Variants in SLC6A20 observed in about 807,000 individuals in gnomAD.
SLC6A20 encodes the protein solute carrier family 6 member 20, also known as sodium- and chloride-dependent transporter XTRP3.
In SLC6A20, 73 loss-of-function variants were observed where a neutral mutation model predicts 64.3. The observed-to-expected ratio is 1.14, with a 90% CI of 0.94 to 1.38. The LOEUF (loss-of-function observed/expected upper bound fraction) is 1.38. Among genes scored for constraint, SLC6A20 ranks in the 40% most tolerant of loss-of-function variants. SLC6A20 has a pLI of 0.00. For missense variants in SLC6A20, 725 were observed against 772.8 expected, an observed-to-expected ratio of 0.94 and a Z score of 0.73; for synonymous variants, 347 against 329.6, an observed-to-expected ratio of 1.05 and a Z score of -0.57.
At position 45,763,072 on chromosome 3, in the gene SLC6A20, C is replaced by T. The variant is rs543809395; in HGVS notation, c.1304G>A (p.Gly435Asp). Reference sequence around the variant, plus strand: ...GGCACAGTTGACAAGGCACACCAGACCTGGGGGCCACAAGACCAGCTGCTC... The same window carrying T: ...GGCACAGTTGACAAGGCACACCAGATCTGGGGGCCACAAGACCAGCTGCTC... Reference protein sequence around the residue: ...SSHLPKEAISGLVCLVNCAIG... With the variant: ...SSHLPKEAISDLVCLVNCAIG... Residue 435 changes from glycine to aspartate, a missense_variant and splice_region_variant, in exon 9 of 11, where the codon GGT becomes GAT. By Grantham distance (94) the Gly-to-Asp change is moderately conservative (BLOSUM62 -1). Coordinates refer to ENST00000358525, the MANE Select transcript of SLC6A20 (RefSeq NM_020208.4). 1 of 1,613,974 alleles carries T rather than the reference C, an allele frequency of 6.2e-7. No homozygotes were observed. Among genetic ancestry groups the T allele is most frequent in the Non-Finnish European group, 8.5e-7 (1 of 1,179,986 alleles).
intron 1 of SLC6A20, 44 bp downstream of exon 1, chr3:45,796,255 C>T: frequency 6.4e-7 from 1 of 1,563,852 alleles, no homozygotes; most frequent in Non-Finnish European, 8.7e-7. Flanking sequence ...ACGGCGGGGA[C>T]GCGCACAGAG....
intron 4 of SLC6A20, among the ~76,000 whole-genome samples, chr3:45,775,543 G>T (rs1699950337): frequency 6.6e-6 from 1 of 151,970 alleles, no homozygotes; most frequent in Non-Finnish European, 1.5e-5. Context: ...GAGATTTAGG[G>T]TTGCAACTTT....
chr3:45,758,821 A>T lies in SLC6A20; in HGVS notation c.*157T>A, dbSNP rs1202970934. On this transcript the variant is annotated 3_prime_UTR_variant, in exon 11 of 11. Coordinates refer to ENST00000358525, the MANE Select transcript of SLC6A20 (RefSeq NM_020208.4). Reference sequence around the variant, plus strand: ...CCACGGGAGGGTGTGCGTTCTCCCAAGGGAGTTTTCTTCCTGCACACCTTC... The same window carrying T: ...CCACGGGAGGGTGTGCGTTCTCCCATGGGAGTTTTCTTCCTGCACACCTTC... 2 of 1,367,322 alleles carry T rather than the reference A, an allele frequency of 1.5e-6. No individual in the cohort carries two copies. The highest frequency in any genetic ancestry group is 5.7e-5 in the East Asian group (2 of 35,344). The allele number at this position is 1,367,322 out of a possible 1,614,324, so 84.7% of individuals were successfully genotyped here.
At chr3:45,763,175 G>T in intron 8 of SLC6A20, 103 bp from the exon 9 acceptor site, 1 of 1,522,552 alleles carries the variant, frequency 6.6e-7, no homozygotes. Context: ...GGGAATTTTG[G>T]CTGATTGCTT....
intron 1 of SLC6A20, among the ~76,000 whole-genome samples, chr3:45,782,757 G>C (rs150813554): frequency 3.3e-5 from 5 of 152,176 alleles, no homozygotes; most frequent in African/African-American, 1.2e-4. Context: ...TCAGCCACCT[G>C]TCTGTTCGTC....
At chr3:45,782,019 C>T in intron 2 of SLC6A20, 64 bp downstream of exon 2, 7 of 1,489,488 alleles carry the variant, frequency 4.7e-6, no homozygotes, top group Non-Finnish European at 6.3e-6. Context: ...CTGATGGGAT[C>T]CCACCCACAC....
intron 3 of SLC6A20, among the ~76,000 whole-genome samples, chr3:45,777,151 T>A (rs1575431570): frequency 6.6e-6 from 1 of 152,128 alleles, no homozygotes; most frequent in Admixed American, 6.5e-5. Flanking sequence ...TGGAAGCAAG[T>A]CTGACCACCC....
chr3:45,772,492 CT>C lies in SLC6A20; in HGVS notation c.693+12del, dbSNP rs750345913. ...GAGGGGTGCCCGTAGGGCCCTTCCGCTTCAGCCCGTACCTTGGGAGTGAACA... is the reference window on the plus strand; with the variant it reads ...GAGGGGTGCCCGTAGGGCCCTTCCGCTCAGCCCGTACCTTGGGAGTGAACA... On this transcript the variant is annotated intron_variant, in intron 5 of 10. Transcript: ENST00000358525. 4 of 1,606,772 alleles carry C rather than the reference CT, an allele frequency of 2.5e-6. No homozygotes were observed. The Admixed American group carries it at 6.9e-5, about 28-fold the overall frequency.
At position 45,780,043 on chromosome 3, in the gene SLC6A20, G is replaced by A. The variant is rs780887840; in HGVS notation, c.320C>T (p.Ala107Val). The A allele has an allele frequency of 1.2e-6, 2 of 1,605,410 alleles. No individual in the cohort carries two copies. Among genetic ancestry groups the A allele is most frequent in the Non-Finnish European group, 1.7e-6 (2 of 1,175,980 alleles). Residue 107 changes from alanine to valine, a missense_variant, in exon 3 of 11, where the codon GCC becomes GTC. Coordinates refer to ENST00000358525, the MANE Select transcript of SLC6A20 (RefSeq NM_020208.4). ...GTGGAAGAGGTACCAGAAGGCCCAG[G>A]CGTTGATGACGTTGTAGTACATGGA... ...FLSMYYNVIN[A>V]WAFWYLFHSF... is the part of the protein sequence containing the mutation.
At chr3:45,772,698 T>G (rs992380996) in intron 4 of SLC6A20, 83 bp from the exon 5 acceptor site, 28 of 1,125,738 alleles carry the variant, frequency 2.5e-5, no homozygotes, top group Non-Finnish European at 3.4e-5. Flanking sequence ...ACACCACATC[T>G]GGGGTATTCA....
rs920868321 is a variant in SLC6A20, at chr3:45,755,727, G to GAGAC, written c.*3247_*3250dup. On this transcript the variant is annotated 3_prime_UTR_variant, in exon 11 of 11. Transcript: ENST00000358525. ...TAGGAAATGGCAAAGAACATTTTTTGAGACAGGATTGATTACTGGCTCAAG... is the reference window on the plus strand; with the variant it reads ...TAGGAAATGGCAAAGAACATTTTTTGAGACAGACAGGATTGATTACTGGCTCAAG... 4.6e-5 allele frequency: 7 copies of GAGAC among 152,582 alleles called. No homozygotes were observed. Among genetic ancestry groups the GAGAC allele is most frequent in the Admixed American group, 2.6e-4 (4 of 15,270 alleles). 9.5% of individuals were successfully genotyped at this position (152,582 alleles called of 1,614,324 possible). A position where few individuals can be genotyped will look rare whatever the true frequency, so the allele number is the denominator to read the frequency against.
chr3:45,779,952 G>A lies in SLC6A20; in HGVS notation c.354+57C>T, dbSNP rs572015772. On this transcript the variant is annotated intron_variant, in intron 3 of 10. Transcript: ENST00000358525. ...CCCCCTTCCCCGAGCGGGTGGCCCT[G>A]TTTTTCTCTCCCTTTCTCGCTCCTA... 30 of 1,540,280 alleles carry A rather than the reference G, an allele frequency of 1.9e-5. No homozygotes were observed. In the South Asian group the frequency reaches 3.3e-4, roughly 17 times the overall value.
intron 7 of SLC6A20, among the ~76,000 whole-genome samples, chr3:45,767,872 A>G (rs551471079): frequency 2.8e-4 from 43 of 152,354 alleles, no homozygotes; most frequent in African/African-American, 1.0e-3. Context: ...AACATCTTCA[A>G]AGTGTTGAGA....
Position 45,775,300 on chromosome 3 carries a change from AC to A in SLC6A20, c.582+460del, listed in dbSNP as rs200682637. On this transcript the variant is annotated intron_variant, in intron 4 of 10. Coordinates refer to ENST00000358525, the MANE Select transcript of SLC6A20 (RefSeq NM_020208.4). The stretch of plus-strand genomic sequence containing the variant: ...CCTCCCCACCCAGTGCTCAGGACAC[AC>A]CCCAGACTGGTTACTGCAGAATTTT... 8.0e-3 allele frequency among the ~76,000 whole-genome samples: 1,214 copies of A among 152,206 alleles called. 5 individuals carry two copies. Among genetic ancestry groups the A allele is most frequent in the Non-Finnish European group, 0.011 (782 of 68,006 alleles).
intron 2 of SLC6A20, 56 bp downstream of exon 2, chr3:45,782,027 C>A: frequency 6.6e-7 from 1 of 1,509,954 alleles, no homozygotes; most frequent in Non-Finnish European, 8.9e-7. Flanking sequence ...ATCCCACCCA[C>A]ACCCCCATGC....
At chr3:45,780,539 T>C (rs1436996988) in intron 2 of SLC6A20, among the ~76,000 whole-genome samples, 1 of 152,208 alleles carries the variant, frequency 6.6e-6, no homozygotes, top group South Asian at 2.1e-4. Flanking sequence ...TGCTACCTTG[T>C]CCAGATGTAC....
intron 3 of SLC6A20, 112 bp from the exon 4 acceptor site, chr3:45,776,100 G>T: frequency 9.8e-7 from 1 of 1,017,606 alleles, no homozygotes. Flanking sequence ...AAGGGTGCTG[G>T]TCCCCGAAGG....
chr3:45,773,422 T>C (rs1699911273), intron 4 of SLC6A20, among the ~76,000 whole-genome samples: 1 of 152,220 alleles, frequency 6.6e-6, no homozygotes, highest in Non-Finnish European at 1.5e-5. Flanking sequence ...TTAATATCTT[T>C]GGTGTTCATG....
At chr3:45,776,707 A>G (rs894438256) in intron 3 of SLC6A20, among the ~76,000 whole-genome samples, 9 of 152,198 alleles carry the variant, frequency 5.9e-5, no homozygotes, top group Admixed American at 1.3e-4. Flanking sequence ...AGAACCTGAG[A>G]CTTACGCATC....
Sources: gnomAD v4.1 joint callset for allele counts (sites outside exome capture counted in the v4.1 genomes callset) on GRCh38, gnomAD v4.1.1 for gene constraint, MANE v1.5 for transcripts, NCBI Gene and HGNC (gene_info 2026-07-23, HGNC 2026-07-21) for gene names.